SF1: variants seen among roughly 807,000 people sequenced by gnomAD.
The protein encoded by SF1 is splicing factor 1.
SF1 carries 7 observed loss-of-function variants against 62.5 expected under a neutral mutation model. The ratio of observed to expected loss-of-function variants is 0.11; its 90% CI spans 0.06 to 0.21. SF1 has a LOEUF of 0.21. Among genes scored for constraint, SF1 ranks in the 10% least tolerant of loss-of-function variants. The probability of loss-of-function intolerance (pLI) is 1.00; values close to 1 mark genes in which losing one functional copy is unlikely to be tolerated. For missense variants in SF1, 578 were observed against 884.0 expected (o/e 0.65, Z 4.39); for synonymous variants, 394 against 323.6 (o/e 1.22, Z -2.33).
In SF1 at chr11:64,765,440, T is replaced by C. The variant is rs781443768; in HGVS notation, c.*378A>G. 1.3e-6 allele frequency: 2 copies of C among 1,597,958 alleles called. No homozygotes were observed. Among genetic ancestry groups the C allele is most frequent in the Non-Finnish European group, 1.7e-6 (2 of 1,165,586 alleles). On this transcript the variant is annotated 3_prime_UTR_variant, in exon 13 of 13. Coordinates refer to ENST00000377390, the MANE Select transcript of SF1 (RefSeq NM_004630.4). ...TCCACCAGGGGCGTTGCTGAGGCTG[T>C]CTGCCTGGAAGGGTCACCAATGGGC... is the stretch of plus-strand genomic sequence containing the variant.
intron 3 of SF1, chr11:64,771,622 A>ACCT: frequency 1.0e-6 from 1 of 985,360 alleles, no homozygotes; most frequent in Non-Finnish European, 1.2e-6. Context: ...GCTAAATGAC[A>ACCT]CCTCCGTTTC....
chr11:64,768,291 A>T lies in SF1; in HGVS notation c.888-5T>A. ...GCTGACTGAGGATCACCAGGCCTGA[A>T]GTGGGGTGGGGGACACAAACAGAGA... On this transcript the variant is annotated splice_region_variant and splice_polypyrimidine_tract_variant and intron_variant, in intron 8 of 12. Transcript: ENST00000377390. 1 of 1,613,082 alleles carries T rather than the reference A, an allele frequency of 6.2e-7. No homozygotes were observed. The highest frequency in any genetic ancestry group is 8.5e-7 in the Non-Finnish European group (1 of 1,179,590).
chr11:64,770,438 C>G, intron 3 of SF1, 30 bp from the exon 4 acceptor site: 1 of 1,601,032 alleles, frequency 6.2e-7, no homozygotes, highest in Non-Finnish European at 8.6e-7. Flanking sequence ...GTTTACTATT[C>G]TGCACCGACT....
chr11:64,778,098 G>A lies in SF1; in HGVS notation c.31+264C>T, dbSNP rs1045134112. ...AGCGGCGGCGGAGGGGGCGGCTGCGGCGGCGGGTACGAGGCGCCGGGGGAC... is the reference window on the plus strand; with the variant it reads ...AGCGGCGGCGGAGGGGGCGGCTGCGACGGCGGGTACGAGGCGCCGGGGGAC... On this transcript the variant is annotated intron_variant, in intron 1 of 12. Coordinates refer to ENST00000377390, the MANE Select transcript of SF1 (RefSeq NM_004630.4). 17 of 936,282 alleles carry A rather than the reference G, an allele frequency of 1.8e-5. No homozygotes were observed. In the African/African-American group the frequency reaches 2.7e-4, roughly 15 times the overall value. The allele number at this position is 936,282 out of a possible 1,614,324, so 58.0% of individuals were successfully genotyped here.
At chr11:64,772,163 G>T (rs680273) in intron 3 of SF1, 1 of 985,184 alleles carries the variant, frequency 1.0e-6, no homozygotes, top group Non-Finnish European at 1.2e-6. Flanking sequence ...GCATCGGCTA[G>T]ATCAACTAAA....
Position 64,765,243 on chromosome 11 carries a change from T to C in SF1, c.*575A>G, listed in dbSNP as rs1286814447. ...TGGAGAGAAGGGAAAGGAATCTAAATTGCAGCAGAAGACCGGGGAGAGCAT... is the reference window on the plus strand; with the variant it reads ...TGGAGAGAAGGGAAAGGAATCTAAACTGCAGCAGAAGACCGGGGAGAGCAT... On this transcript the variant is annotated 3_prime_UTR_variant, in exon 13 of 13. Transcript: ENST00000377390. The C allele has an allele frequency of 1.0e-5, 5 of 479,238 alleles. No homozygotes were observed. The highest frequency in any genetic ancestry group is 1.9e-5 in the Non-Finnish European group (5 of 266,978). 29.7% of individuals were successfully genotyped at this position (479,238 alleles called of 1,614,324 possible).
Position 64,768,429 on chromosome 11 carries a change from C to T in SF1, c.888-143G>A, listed in dbSNP as rs888019513. 52 of 747,996 alleles carry T rather than the reference C, an allele frequency of 7.0e-5. 1 individual carries two copies. In the Middle Eastern group the frequency reaches 8.9e-4, roughly 13 times the overall value. The allele number at this position is 747,996 out of a possible 1,614,324, so 46.3% of individuals were successfully genotyped here. A position where few individuals can be genotyped will look rare whatever the true frequency, so the allele number is the denominator to read the frequency against. On this transcript the variant is annotated intron_variant, in intron 8 of 12. Transcript: ENST00000377390. The stretch of plus-strand genomic sequence containing the variant: ...CACATCTTTCTAACCCCTTACTGGG[C>T]ATGGCTCTCAACAGTCTCATCAGAT...
Position 64,769,054 on chromosome 11 carries a change from A to C in SF1, c.855T>G (p.Ala285=), listed in dbSNP as rs972313452. The change falls in exon 8 of 13, where the codon GCT becomes GCG. Residue 285 remains alanine, a synonymous_variant. Transcript: ENST00000377390. The part of the protein sequence containing the change: ...NTTVCTKCGG[A]GHIASDCKFQ... The stretch of plus-strand genomic sequence containing the variant: ...ATTTACAGTCTGAAGCAATGTGGCC[A>C]GCCCCTCCACACTTGGTACACACTG... 2 of 1,613,866 alleles carry C rather than the reference A, an allele frequency of 1.2e-6. No individual in the cohort carries two copies. The highest frequency in any genetic ancestry group is 2.7e-5 in the African/African-American group (2 of 74,932).
chr11:64,778,196 G>A, intron 1 of SF1, 166 bp downstream of exon 1: 3 of 1,073,590 alleles, frequency 2.8e-6, no homozygotes, highest in Non-Finnish European at 3.5e-6. Context: ...AGGCAGCGCC[G>A]CGAAGGGGAA....
In SF1 at chr11:64,766,979, T is replaced by G. The variant is rs1044455502; in HGVS notation, c.1503A>C (p.Gln501His). The G allele has an allele frequency of 3.3e-6, 5 of 1,509,612 alleles. No individual in the cohort carries two copies. Among genetic ancestry groups the G allele is most frequent in the Non-Finnish European group, 4.4e-6 (5 of 1,129,640 alleles). The allele number at this position is 1,509,612 out of a possible 1,614,324, so 93.5% of individuals were successfully genotyped here. ...PPPSGPLPPW[Q>H]QQQQQPPPPP... ...GTGGCGGAGGCTGCTGCTGCTGTTGTTGCCATGGGGGAAGAGGACCAGAGG... is the reference window on the plus strand; with the variant it reads ...GTGGCGGAGGCTGCTGCTGCTGTTGGTGCCATGGGGGAAGAGGACCAGAGG... The change falls in exon 12 of 13, where the codon CAA (glutamine) becomes CAC (histidine). Residue 501 changes from glutamine to histidine, a missense_variant. By Grantham distance (24) the Gln-to-His change is conservative. This residue lies in a region of SF1 where 410 missense variants were observed against 452.4 expected (regional missense o/e 0.91). Transcript: ENST00000377390.
At chr11:64,767,367 AAGGC>A in intron 10 of SF1, 116 bp from the exon 11 acceptor site, 1 of 1,155,802 alleles carries the variant, frequency 8.7e-7, no homozygotes, top group South Asian at 1.3e-5. Flanking sequence ...ATGCCTGTAA[AAGGC>A]AGGTCTGTGC....
chr11:64,772,274 G>A (rs973466473), intron 3 of SF1: 4 of 984,472 alleles, frequency 4.1e-6, no homozygotes, highest in Non-Finnish European at 3.6e-6. Flanking sequence ...AAGGGAAAAA[G>A]GCCAAAAAGG....
At chr11:64,767,544 A>G (rs765043128) in intron 10 of SF1, 27 bp downstream of exon 10, 4 of 1,525,596 alleles carry the variant, frequency 2.6e-6, no homozygotes, top group African/African-American at 1.4e-5. Context: ...CAAAGCCCCC[A>G]AGGTTTCTGG....
At chr11:64,775,728 C>T (rs1398050996) in intron 2 of SF1, among the ~76,000 whole-genome samples, 1 of 152,148 alleles carries the variant, frequency 6.6e-6, no homozygotes, top group Non-Finnish European at 1.5e-5. Flanking sequence ...AAAGATAAAA[C>T]TTGCATTAAA....
chr11:64,768,464 C>T (rs955663758), intron 8 of SF1, among the ~76,000 whole-genome samples, 178 bp from the exon 9 acceptor site: 1 of 152,258 alleles, frequency 6.6e-6, no homozygotes, highest in African/African-American at 2.4e-5. Context: ...TCTTCAGTTT[C>T]GTGCCCAGTT....
intron 5 of SF1, 103 bp from the exon 6 acceptor site, chr11:64,769,712 G>T: frequency 9.2e-7 from 1 of 1,090,128 alleles, no homozygotes; most frequent in Non-Finnish European, 1.3e-6. Flanking sequence ...CAAGCGCAGA[G>T]AATTGGATTT....
rs1173565486 is a variant in SF1, at chr11:64,765,581, G to A, written c.*237C>T. ...GTGAGGAGAGAAAGAAGACAAAGAAGACACTCGATGCTACGGGGCGCCAGG... is the reference window on the plus strand; with the variant it reads ...GTGAGGAGAGAAAGAAGACAAAGAAAACACTCGATGCTACGGGGCGCCAGG... On this transcript the variant is annotated 3_prime_UTR_variant, in exon 13 of 13. Coordinates refer to ENST00000377390, the MANE Select transcript of SF1 (RefSeq NM_004630.4). 5 of 1,543,244 alleles carry A rather than the reference G, an allele frequency of 3.2e-6. No homozygotes were observed. Among genetic ancestry groups the A allele is most frequent in the Non-Finnish European group, 4.3e-6 (5 of 1,149,894 alleles).
chr11:64,773,578 C>G, intron 2 of SF1, 73 bp from the exon 3 acceptor site: 1 of 1,512,360 alleles, frequency 6.6e-7, no homozygotes, highest in Non-Finnish European at 8.9e-7. Flanking sequence ...CATCTCAAAT[C>G]TCAACAACAA....
rs1409418666 is a variant in SF1 at position 64,765,898 on chromosome 11, T to G, written c.1840A>C (p.Thr614Pro). Residue 614 changes from threonine (T) to proline (P), a missense_variant, in exon 13 of 13, where the codon ACC becomes CCC. By Grantham distance (38) the Thr-to-Pro change is conservative. Coordinates refer to ENST00000377390, the MANE Select transcript of SF1 (RefSeq NM_004630.4). ...PPPMDPSNFV[T>P]MMGMGVAGMP... is the part of the protein sequence containing the mutation. ...CCCGCCACCCCCATGCCCATCATGG[T>G]GACAAAGTTAGAAGGGTCCATGGGA... 6.4e-7 allele frequency: 1 copy of G among 1,563,032 alleles called. No individual in the cohort carries two copies.
Sources: allele counts gnomAD v4.1 joint callset (sites outside exome capture counted in the v4.1 genomes callset), GRCh38; gene constraint gnomAD v4.1.1; regional missense constraint gnomAD v4.1.1; transcripts MANE v1.5; gene names NCBI Gene and HGNC (gene_info 2026-07-23, HGNC 2026-07-21).